PRKRA: variants seen among roughly 807,000 people sequenced by gnomAD.
The protein encoded by PRKRA is protein activator of interferon induced protein kinase EIF2AK2.
A neutral mutation model predicts 32.4 loss-of-function variants in PRKRA; 22 were observed. The observed-to-expected ratio is 0.68, with a 90% confidence interval of 0.49 to 0.97. The LOEUF (loss-of-function observed/expected upper bound fraction) is 0.97, where lower values mean the gene tolerates loss of function less well. Among genes scored for constraint, PRKRA ranks in the 50% least tolerant of loss-of-function variants. The pLI is 0.00. For synonymous variants in PRKRA, 139 were observed against 129.8 expected (o/e 1.07, Z -0.48); for missense variants, 319 against 375.6 (o/e 0.85, Z 1.25).
intron 4 of PRKRA, 89 bp downstream of exon 4, chr2:178,444,333 C>T (rs910880252): frequency 1.4e-5 from 12 of 883,552 alleles, no homozygotes; most frequent in Non-Finnish European, 2.0e-5. Context: ...ACTATCTTGT[C>T]TTTAAAATAT....
intron 7 of PRKRA, among the ~76,000 whole-genome samples, chr2:178,432,713 T>G (rs1318906095): frequency 6.6e-6 from 1 of 152,220 alleles, no homozygotes. Flanking sequence ...CAGGAGGCAT[T>G]TGAACCAGGA....
intron 3 of PRKRA, 39 bp downstream of exon 3, chr2:178,447,465 GA>G (rs1559358573): frequency 7.8e-7 from 1 of 1,288,956 alleles, no homozygotes; most frequent in Non-Finnish European, 1.0e-6. Flanking sequence ...CCTCAGCCAT[GA>G]TATTTTTGAG....
Position 178,441,720 on chromosome 2 carries a change from G to C in PRKRA, c.515-16C>G. ...GCCCCCTTTCCTGAACAAAGAAAAA[G>C]AAATGGTAGATTTAGAAAAGAAATT... On this transcript the variant is annotated splice_polypyrimidine_tract_variant and intron_variant, in intron 5 of 7. Coordinates refer to ENST00000325748, the MANE Select transcript of PRKRA (RefSeq NM_003690.5). 1 of 745,648 alleles carries C rather than the reference G, an allele frequency of 1.3e-6. No homozygotes were observed. Among genetic ancestry groups the C allele is most frequent in the East Asian group, 5.4e-5 (1 of 18,378 alleles). 46.2% of individuals were successfully genotyped at this position (745,648 alleles called of 1,614,324 possible).
At chr2:178,437,146 TTAAG>T (rs1484043525) in intron 6 of PRKRA, among the ~76,000 whole-genome samples, 1 of 152,186 alleles carries the variant, frequency 6.6e-6, no homozygotes, top group African/African-American at 2.4e-5. Flanking sequence ...TGATATGGAA[TTAAG>T]TAATTTATTA....
chr2:178,434,684 C>T (rs1481908145), intron 7 of PRKRA, among the ~76,000 whole-genome samples: 2 of 152,164 alleles, frequency 1.3e-5, no homozygotes, highest in African/African-American at 2.4e-5. Flanking sequence ...ACCCGTCCTT[C>T]AATCCCAAAG....
At chr2:178,434,142 ACT>A (rs1190453906) in intron 7 of PRKRA, 1 of 148,480 alleles carries the variant, frequency 6.7e-6, no homozygotes, top group Non-Finnish European at 1.5e-5. Context: ...ACAGAGTCTC[ACT>A]CTGTCACTCA....
intron 3 of PRKRA, among the ~76,000 whole-genome samples, chr2:178,445,048 C>G (rs1054021287): frequency 2.6e-5 from 4 of 152,154 alleles, no homozygotes; most frequent in Admixed American, 2.6e-4. Flanking sequence ...TGTGTAAATA[C>G]TGTTTTTTCA....
chr2:178,450,054 G>T, intron 2 of PRKRA, 188 bp downstream of exon 2: 1 of 792,860 alleles, frequency 1.3e-6, no homozygotes, highest in Non-Finnish European at 2.1e-6. Context: ...TGGTATGTGG[G>T]GAAGAGAAAA....
chr2:178,434,858 C>T (rs948755778), intron 7 of PRKRA, among the ~76,000 whole-genome samples: 1 of 151,940 alleles, frequency 6.6e-6, no homozygotes, highest in Non-Finnish European at 1.5e-5. Context: ...CGGTGGCTCA[C>T]ACCTGTAATC....
chr2:178,445,368 T>TC (rs397871146), intron 3 of PRKRA: 2 of 152,228 alleles, frequency 1.3e-5, no homozygotes, highest in East Asian at 3.9e-4. Context: ...GTTTTTTTTT[T>TC]CCAACTGTGA....
intron 7 of PRKRA, among the ~76,000 whole-genome samples, chr2:178,434,418 T>C (rs1559351638): frequency 6.7e-6 from 1 of 150,020 alleles, no homozygotes; most frequent in Non-Finnish European, 1.5e-5. Context: ...GCCTCCAGCC[T>C]CTTTTCTTTT....
At position 178,443,317 on chromosome 2, in the gene PRKRA, T is replaced by A; in HGVS notation, c.464A>T (p.His155Leu). Residue 155 changes from histidine to leucine, a missense_variant, in exon 5 of 8, where the codon CAT (histidine) becomes CTT (leucine). Physicochemically the swap from His to Leu is moderately conservative, Grantham distance 99. Coordinates refer to ENST00000325748, the MANE Select transcript of PRKRA (RefSeq NM_003690.5). ...YTLSQEGGPA[H>L]KREYTTICRL... ...GCAAATTGTAGTATATTCTCTCTTA[T>A]GAGCAGGTCCTCCCTCCTGGGAAAG... The A allele has an allele frequency of 6.2e-7, 1 of 1,613,318 alleles. No individual in the cohort carries two copies. The highest frequency in any genetic ancestry group is 8.5e-7 in the Non-Finnish European group (1 of 1,179,274).
At chr2:178,444,535 A>G in intron 3 of PRKRA, 35 bp from the exon 4 acceptor site, 11 of 720,496 alleles carry the variant, frequency 1.5e-5, no homozygotes, top group Non-Finnish European at 2.2e-5. Flanking sequence ...AAAACAAAAT[A>G]ATTTCCCCCG....
At chr2:178,450,508 G>A in intron 1 of PRKRA, 97 bp from the exon 2 acceptor site, 4 of 1,375,004 alleles carry the variant, frequency 2.9e-6, no homozygotes, top group Non-Finnish European at 3.9e-6. Flanking sequence ...GGTGACGAGG[G>A]AGGCGCCGAG....
chr2:178,439,666 G>T (rs1056106187), intron 6 of PRKRA: 1 of 151,954 alleles, frequency 6.6e-6, no homozygotes, highest in African/African-American at 2.4e-5. Flanking sequence ...GTTGGTGGGC[G>T]TCCTTATTTC....
At position 178,450,053 on chromosome 2, in the gene PRKRA, G is replaced by T. The variant is rs983492856; in HGVS notation, c.235+189C>A. The T allele has an allele frequency of 8.4e-5, 66 of 787,028 alleles. No individual in the cohort carries two copies. In the Middle Eastern group the frequency reaches 1.5e-3, roughly 17 times the overall value. 48.8% of individuals were successfully genotyped at this position (787,028 alleles called of 1,614,324 possible). ...AGTTTCTAAGCTTCCTTGGTATGTG[G>T]GGAAGAGAAAATTAGGAAGAGAATC... On this transcript the variant is annotated intron_variant, in intron 2 of 7. Coordinates refer to ENST00000325748, the MANE Select transcript of PRKRA (RefSeq NM_003690.5).
chr2:178,435,944 G>A (rs1190292910), intron 7 of PRKRA, among the ~76,000 whole-genome samples: 1 of 152,136 alleles, frequency 6.6e-6, no homozygotes, highest in East Asian at 1.9e-4. Flanking sequence ...TAACTGTATA[G>A]ATGTTAGCTA....
At position 178,436,032 on chromosome 2, in the gene PRKRA, G is replaced by A. The variant is rs1696879471; in HGVS notation, c.784+113C>T. ...GTAATTATATATACTTAGAATCCCT[G>A]ATCAATAAAATAAATTGTAATAGAA... On this transcript the variant is annotated intron_variant, in intron 7 of 7. Coordinates refer to ENST00000325748, the MANE Select transcript of PRKRA (RefSeq NM_003690.5). The A allele has an allele frequency of 3.8e-6, 3 of 784,592 alleles. No individual in the cohort carries two copies. In the Admixed American group the frequency reaches 9.6e-5, roughly 25 times the overall value. 48.6% of individuals were successfully genotyped at this position (784,592 alleles called of 1,614,324 possible).
chr2:178,447,280 AC>A (rs938199174), intron 3 of PRKRA: 16 of 649,764 alleles, frequency 2.5e-5, no homozygotes, highest in African/African-American at 1.8e-4. Context: ...AAAAAAAAAA[AC>A]AGTAAAGCCT....
Sources: gnomAD v4.1 joint callset for allele counts (sites outside exome capture counted in the v4.1 genomes callset) on GRCh38, gnomAD v4.1.1 for gene constraint, MANE v1.5 for transcripts, NCBI Gene and HGNC (gene_info 2026-07-23, HGNC 2026-07-21) for gene names.